Variants in SHISA6 observed in about 807,000 individuals in gnomAD.
The protein encoded by SHISA6 is shisa family member 6, also known as protein shisa-6.
In SHISA6, 22 loss-of-function variants were observed where a neutral mutation model predicts 47.9. That is an observed-to-expected ratio of 0.46 (90% CI 0.33 to 0.66). The LOEUF is 0.66. SHISA6 is among the 30% of genes least tolerant of loss of function. SHISA6 has a pLI of 0.02. For missense variants in SHISA6, 680 were observed against 764.6 expected (o/e 0.89, Z 1.30); for synonymous variants, 388 against 337.8 (o/e 1.15, Z -1.63).
At chr17:11,436,399 C>A (rs1211372613) in intron 3 of SHISA6, among the ~76,000 whole-genome samples, 2 of 152,144 alleles carry the variant, frequency 1.3e-5, no homozygotes, top group Non-Finnish European at 2.9e-5. Context: ...CTGGCTTGTA[C>A]CTTTCTGTTT....
intron 2 of SHISA6, among the ~76,000 whole-genome samples, chr17:11,372,488 A>T (rs1173221413): frequency 5.9e-5 from 9 of 152,100 alleles, no homozygotes; most frequent in Admixed American, 1.3e-4. Flanking sequence ...GTTAAGGTTA[A>T]TCATATTTTT....
intron 3 of SHISA6, among the ~76,000 whole-genome samples, chr17:11,479,306 T>G (rs755373817): frequency 2.2e-4 from 33 of 152,196 alleles, no homozygotes; most frequent in Non-Finnish European, 4.1e-4. Context: ...TCATGTCCTT[T>G]GTTAGGACAT....
At chr17:11,535,494 A>T (rs2071778889) in intron 3 of SHISA6, among the ~76,000 whole-genome samples, 1 of 152,114 alleles carries the variant, frequency 6.6e-6, no homozygotes, top group Non-Finnish European at 1.5e-5. Context: ...TCAGAGGCAG[A>T]CTCCTTAGGG....
intron 3 of SHISA6, among the ~76,000 whole-genome samples, chr17:11,387,445 TGAG>T (rs1913234757): frequency 6.6e-6 from 1 of 152,004 alleles, no homozygotes; most frequent in Non-Finnish European, 1.5e-5. Context: ...CCCACCGATC[TGAG>T]GAGGAGGAGC....
intron 3 of SHISA6, among the ~76,000 whole-genome samples, chr17:11,390,407 T>G (rs1395228231): frequency 6.6e-6 from 1 of 151,942 alleles, no homozygotes; most frequent in Non-Finnish European, 1.5e-5. Flanking sequence ...GTTGTTGGAG[T>G]TTAAGAGCGC....
chr17:11,271,793 C>T (rs576433331), intron 2 of SHISA6, among the ~76,000 whole-genome samples: 1 of 152,122 alleles, frequency 6.6e-6, no homozygotes, highest in East Asian at 1.9e-4. Context: ...CCTCTGCTGG[C>T]CAAAGCTCAC....
At position 11,551,962 on chromosome 17, in the gene SHISA6, G is replaced by A. The variant is rs1373553952; in HGVS notation, c.952+10G>A. ...CAGATCCCGCCACATGGTGAGAGATGATTGAGAGCACTCTGCATTTCCTCC... is the reference window on the plus strand; with the variant it reads ...CAGATCCCGCCACATGGTGAGAGATAATTGAGAGCACTCTGCATTTCCTCC... On this transcript the variant is annotated intron_variant, in intron 4 of 5. Transcript: ENST00000441885. The A allele has an allele frequency of 6.4e-7, 1 of 1,551,514 alleles. No homozygotes were observed. Among genetic ancestry groups the A allele is most frequent in the African/African-American group, 1.4e-5 (1 of 73,178 alleles).
At chr17:11,280,826 T>C (rs1246372795) in intron 2 of SHISA6, among the ~76,000 whole-genome samples, 1 of 152,196 alleles carries the variant, frequency 6.6e-6, no homozygotes, top group East Asian at 1.9e-4. Flanking sequence ...TGAGAGCAAG[T>C]TAGAGAAGAG....
intron 2 of SHISA6, among the ~76,000 whole-genome samples, chr17:11,271,033 G>A (rs1477645628): frequency 6.6e-6 from 1 of 152,204 alleles, no homozygotes; most frequent in African/African-American, 2.4e-5. Flanking sequence ...TCTCTAGGGT[G>A]CAAATGGAGA....
At chr17:11,360,016 T>A (rs1364824828) in intron 2 of SHISA6, among the ~76,000 whole-genome samples, 1 of 152,182 alleles carries the variant, frequency 6.6e-6, no homozygotes, top group Non-Finnish European at 1.5e-5. Flanking sequence ...CACATGCACA[T>A]GTATGTTTAT....
intron 3 of SHISA6, among the ~76,000 whole-genome samples, chr17:11,428,161 C>T (rs1040402231): frequency 3.9e-5 from 6 of 152,196 alleles, no homozygotes; most frequent in African/African-American, 9.7e-5. Flanking sequence ...CACACAGCAA[C>T]GCTGAACACA....
At chr17:11,386,688 A>G (rs1303418085) in intron 3 of SHISA6, among the ~76,000 whole-genome samples, 2 of 152,236 alleles carry the variant, frequency 1.3e-5, no homozygotes, top group Non-Finnish European at 2.9e-5. Flanking sequence ...GAAAGCAGAT[A>G]GAATCTACAG....
At chr17:11,501,154 C>T (rs1312573115) in intron 3 of SHISA6, among the ~76,000 whole-genome samples, 1 of 150,962 alleles carries the variant, frequency 6.6e-6, no homozygotes, top group Admixed American at 6.6e-5. Context: ...CTCTTGTTGC[C>T]GAGGCTGGAG....
intron 3 of SHISA6, among the ~76,000 whole-genome samples, chr17:11,397,097 A>C (rs1913596012): frequency 6.6e-6 from 1 of 152,012 alleles, no homozygotes; most frequent in African/African-American, 2.4e-5. Flanking sequence ...TAGCTGTTTC[A>C]TTTATATTTT....
intron 3 of SHISA6, among the ~76,000 whole-genome samples, chr17:11,404,746 TTTCCTTCCTGGAG>T (rs1474399135): frequency 6.6e-6 from 1 of 152,206 alleles, no homozygotes; most frequent in Non-Finnish European, 1.5e-5. Flanking sequence ...GCGCCTTGAC[TTTCCTTCCTGGAG>T]GACCACACTG....
At chr17:11,287,734 TGGGAA>T (rs1567561499) in intron 2 of SHISA6, among the ~76,000 whole-genome samples, 1 of 4,576 alleles carries the variant, frequency 2.2e-4, no homozygotes, top group African/African-American at 1.0e-3. Context: ...AGGAAGGGGC[TGGGAA>T]GGGAAGGGAA....
At chr17:11,278,884 C>T (rs929440547) in intron 2 of SHISA6, among the ~76,000 whole-genome samples, 6 of 152,124 alleles carry the variant, frequency 3.9e-5, no homozygotes, top group East Asian at 3.8e-4. Context: ...TCTGAGGAGG[C>T]GGGGCAGGGC....
At chr17:11,398,553 G>A (rs911141951) in intron 3 of SHISA6, among the ~76,000 whole-genome samples, 1 of 151,978 alleles carries the variant, frequency 6.6e-6, no homozygotes, top group Non-Finnish European at 1.5e-5. Flanking sequence ...TACTTAGGAT[G>A]AACTTCCGCA....
chr17:11,426,746 G>A (rs1054199048), intron 3 of SHISA6, among the ~76,000 whole-genome samples: 3 of 152,118 alleles, frequency 2.0e-5, no homozygotes, highest in African/African-American at 4.8e-5. Flanking sequence ...TGTTGGATGC[G>A]ACTCTCACGG....
Sources: gnomAD v4.1 joint callset for allele counts (sites outside exome capture counted in the v4.1 genomes callset) on GRCh38, gnomAD v4.1.1 for gene constraint, MANE v1.5 for transcripts, NCBI Gene and HGNC (gene_info 2026-07-23, HGNC 2026-07-21) for gene names.